Variants in SNX31 observed in about 807,000 individuals in gnomAD.
SNX31 encodes sorting nexin-31.
SNX31 carries 58 observed loss-of-function variants against 65.4 expected under a neutral mutation model. The observed-to-expected ratio is 0.89, with a 90% CI of 0.72 to 1.10. The LOEUF (loss-of-function observed/expected upper bound fraction) is 1.10. Among genes scored for constraint, SNX31 ranks in the 50% least tolerant of loss-of-function variants. The pLI, the probability that SNX31 is intolerant of heterozygous loss-of-function variation, is 0.00. For missense variants in SNX31, 523 were observed against 529.7 expected (o/e 0.99, Z 0.12); for synonymous variants, 181 against 190.1 (o/e 0.95, Z 0.39).
intron 8 of SNX31, among the ~76,000 whole-genome samples, chr8:100,605,860 T>C (rs950727242): frequency 2.0e-5 from 3 of 152,280 alleles, no homozygotes; most frequent in African/African-American, 7.2e-5. Context: ...ATAAAGATGA[T>C]ATTTCCCACA....
rs1448713820 is a variant in SNX31, at chr8:100,600,439, T to G, written c.684A>C (p.Ala228=). The G allele has an allele frequency of 6.2e-7, 1 of 1,607,930 alleles. No homozygotes were observed. Among genetic ancestry groups the G allele is most frequent in the South Asian group, 1.1e-5 (1 of 89,360 alleles). The stretch of plus-strand genomic sequence containing the variant: ...CCCATCCTTTTTCAATGTCCTGTAT[T>G]GCCTTAAAATAACATAAGTTGTAAA... ...RVAVDLLYMQ[A]IQDIEKGWAK... The change falls in exon 9 of 14, where the codon GCA becomes GCC. Residue 228 remains alanine (A), a splice_region_variant and synonymous_variant. Transcript: ENST00000311812.
At position 100,630,872 on chromosome 8, in the gene SNX31, C is replaced by A. The variant is rs1212757789; in HGVS notation, c.257-481G>T. Reference sequence around the variant, plus strand: ...GCGTGAGCTCGGCTCACTGCAATGTCCGTCTCCTGGGTTAAGACGATTCTC... The same window carrying A: ...GCGTGAGCTCGGCTCACTGCAATGTACGTCTCCTGGGTTAAGACGATTCTC... On this transcript the variant is annotated intron_variant, in intron 3 of 13. Transcript: ENST00000311812. The surrounding 1 kb of genome is among the most constrained non-coding windows in gnomAD (Gnocchi z 5.3). Among the ~76,000 whole-genome samples the A allele has an allele frequency of 1.3e-5, 2 of 152,146 alleles. No homozygotes were observed.
intron 8 of SNX31, among the ~76,000 whole-genome samples, chr8:100,607,323 C>G (rs1816258157): frequency 6.6e-6 from 1 of 152,196 alleles, no homozygotes; most frequent in Non-Finnish European, 1.5e-5. Flanking sequence ...AGTGTGAACA[C>G]CTGGGGCAGC....
At chr8:100,617,341 C>T (rs1817299855) in intron 5 of SNX31, among the ~76,000 whole-genome samples, 1 of 152,146 alleles carries the variant, frequency 6.6e-6, no homozygotes, top group South Asian at 2.1e-4. Flanking sequence ...AGGCCACATC[C>T]CTGGCTAAGT....
At chr8:100,605,158 C>G (rs1816030984) in intron 8 of SNX31, among the ~76,000 whole-genome samples, 2 of 152,156 alleles carry the variant, frequency 1.3e-5, no homozygotes, top group Non-Finnish European at 2.9e-5. Context: ...CTTGGCCTCT[C>G]AAAGTGCTGG....
intron 1 of SNX31, among the ~76,000 whole-genome samples, chr8:100,662,075 T>C (rs548088888): frequency 6.6e-6 from 1 of 152,346 alleles, no homozygotes; most frequent in African/African-American, 2.4e-5. Flanking sequence ...TCCACCTGCC[T>C]TGGCCTCCCA....
chr8:100,638,191 C>T (rs1008920979), intron 2 of SNX31, among the ~76,000 whole-genome samples: 4 of 152,166 alleles, frequency 2.6e-5, no homozygotes, highest in Non-Finnish European at 5.9e-5. Flanking sequence ...CATTCCACTG[C>T]CTTTCTCAAA....
Position 100,622,406 on chromosome 8 carries a change from T to G in SNX31, c.322-4676A>C, listed in dbSNP as rs1008216572. Among the ~76,000 whole-genome samples the G allele has an allele frequency of 1.3e-5, 2 of 152,180 alleles. No individual in the cohort carries two copies. Among genetic ancestry groups the G allele is most frequent in the African/African-American group, 4.8e-5 (2 of 41,446 alleles). The stretch of plus-strand genomic sequence containing the variant: ...GCTCACGCCTGGAATCCCAGCACTT[T>G]GGGACCCAGCTGAGGTAGGTGGGTC... On this transcript the variant is annotated intron_variant, in intron 4 of 13. Coordinates refer to ENST00000311812, the MANE Select transcript of SNX31 (RefSeq NM_152628.4). This position sits in a 1 kb window ranked among gnomAD's most constrained non-coding sequence, Gnocchi z 5.0.
At chr8:100,590,464 G>A (rs988931500) in intron 10 of SNX31, among the ~76,000 whole-genome samples, 4 of 152,070 alleles carry the variant, frequency 2.6e-5, no homozygotes, top group Non-Finnish European at 5.9e-5. Context: ...TAGAAATATC[G>A]GTCTGGCAGC....
At chr8:100,593,923 A>G (rs574953320) in intron 10 of SNX31, among the ~76,000 whole-genome samples, 2 of 152,234 alleles carry the variant, frequency 1.3e-5, no homozygotes, top group Non-Finnish European at 2.9e-5. Context: ...GCAAAAGCAC[A>G]ATCCAAAAAA....
intron 4 of SNX31, among the ~76,000 whole-genome samples, chr8:100,619,475 T>C (rs1184233823): frequency 6.6e-6 from 1 of 152,096 alleles, no homozygotes; most frequent in African/African-American, 2.4e-5. Context: ...TGGGGATCTG[T>C]GACATTCTTG....
chr8:100,647,615 C>T (rs958384465), intron 2 of SNX31, among the ~76,000 whole-genome samples: 1 of 152,182 alleles, frequency 6.6e-6, no homozygotes, highest in Non-Finnish European at 1.5e-5. Context: ...TCTTCACAAG[C>T]ACACTGTGAG....
intron 4 of SNX31, among the ~76,000 whole-genome samples, chr8:100,624,148 T>A (rs970004342): frequency 1.3e-5 from 2 of 151,938 alleles, no homozygotes; most frequent in African/African-American, 4.8e-5. Context: ...GTGGATAGGG[T>A]CTAAAAATTG....
At chr8:100,608,268 C>CT (rs533693977) in intron 8 of SNX31, among the ~76,000 whole-genome samples, 115 of 152,130 alleles carry the variant, frequency 7.6e-4, no homozygotes, top group African/African-American at 1.8e-3. Flanking sequence ...AGAGCTCAAA[C>CT]TTTTTTTTAT....
intron 11 of SNX31, among the ~76,000 whole-genome samples, chr8:100,585,347 C>T (rs939398772): frequency 3.9e-5 from 6 of 151,988 alleles, no homozygotes; most frequent in African/African-American, 1.5e-4. Flanking sequence ...AAGAACTTAG[C>T]GCAGGGCTGT....
At chr8:100,639,168 G>C (rs12546724) in intron 2 of SNX31, among the ~76,000 whole-genome samples, 72,514 of 151,926 alleles carry the variant, frequency 0.48, 17,604 homozygotes, top group African/African-American at 0.55. Context: ...AACAGAACTT[G>C]ATGTTTTCTG....
intron 4 of SNX31, chr8:100,617,959 T>C: frequency 2.1e-6 from 1 of 468,916 alleles, no homozygotes; most frequent in Non-Finnish European, 2.8e-6. Context: ...AGAGACGGGG[T>C]TTTACTGTGT....
chr8:100,650,842 G>GTTTTTTTT (rs200189569), upstream of SNX31, among the ~76,000 whole-genome samples: 2 of 103,810 alleles, frequency 1.9e-5, no homozygotes, highest in African/African-American at 1.1e-4. Flanking sequence ...TGTTTTTTGT[G>GTTTTTTTT]TTTTTTTGTT....
At position 100,609,334 on chromosome 8, in the gene SNX31, G is replaced by A. The variant is rs542796315; in HGVS notation, c.612-771C>T. On this transcript the variant is annotated intron_variant, in intron 7 of 13. Coordinates refer to ENST00000311812, the MANE Select transcript of SNX31 (RefSeq NM_152628.4). This position sits in a 1 kb window ranked among gnomAD's most constrained non-coding sequence, Gnocchi z 4.9. The stretch of plus-strand genomic sequence containing the variant: ...CCTACTCCCCAAGGCTGTATTAGCC[G>A]CCTGTCCACTGTGCTTCCTCTGCAC... Among the ~76,000 whole-genome samples, 15 of 152,190 alleles carry A rather than the reference G, an allele frequency of 9.9e-5. No individual in the cohort carries two copies. The highest frequency in any genetic ancestry group is 6.2e-4 in the South Asian group (3 of 4,810).
Sources: allele counts gnomAD v4.1 joint callset (sites outside exome capture counted in the v4.1 genomes callset), GRCh38; gene constraint gnomAD v4.1.1; non-coding constraint Gnocchi (gnomAD v3.1); transcripts MANE v1.5; gene names NCBI Gene and HGNC (gene_info 2026-07-23, HGNC 2026-07-21).